The following ANKRD30B variants were observed in gnomAD, a reference collection of about 807,000 sequenced individuals.
ANKRD30B encodes ankyrin repeat domain-containing protein 30B.
In ANKRD30B, 144 loss-of-function variants were observed where a neutral mutation model predicts 202.2. That is an observed-to-expected ratio of 0.71 (90% CI 0.62 to 0.82). The LOEUF is 0.82. ANKRD30B is among the 40% of genes least tolerant of loss of function. ANKRD30B has a pLI of 0.00. For missense variants in ANKRD30B, 1,487 were observed against 1,669.1 expected, an observed-to-expected ratio of 0.89 and a Z score of 1.90; for synonymous variants, 508 against 561.3, an observed-to-expected ratio of 0.91 and a Z score of 1.34.
the ANKRD30B span, among the ~76,000 whole-genome samples, chr18:14,938,007 A>G: frequency 6.6e-6 from 1 of 152,196 alleles, no homozygotes; most frequent in East Asian, 1.9e-4. Flanking sequence ...CGCTGCTCCT[A>G]AAACTAAAGT....
chr18:14,866,136 T>A, the ANKRD30B span, among the ~76,000 whole-genome samples: 158 of 152,376 alleles, frequency 1.0e-3, no homozygotes, highest in African/African-American at 3.7e-3. Flanking sequence ...CCAGAAACCA[T>A]GTGCGTAACC....
the ANKRD30B span, among the ~76,000 whole-genome samples, chr18:14,896,332 C>A: frequency 1.2e-4 from 18 of 152,012 alleles, no homozygotes; most frequent in Admixed American, 1.2e-3. Context: ...GAGGTTTCAC[C>A]GTGTTAGCCA....
At chr18:14,786,386 C>G (rs1307498732) in intron 14 of ANKRD30B, among the ~76,000 whole-genome samples, 2 of 152,170 alleles carry the variant, frequency 1.3e-5, no homozygotes, top group African/African-American at 4.8e-5. Context: ...CACAAGCTGA[C>G]TCTGAAGATA....
At chr18:14,912,314 G>T in the ANKRD30B span, among the ~76,000 whole-genome samples, 1 of 152,092 alleles carries the variant, frequency 6.6e-6, no homozygotes, top group African/African-American at 2.4e-5. Context: ...TTTTTTTGAG[G>T]ATTTTTATCA....
intron 15 of ANKRD30B, among the ~76,000 whole-genome samples, chr18:14,790,671 T>G (rs1243460189): frequency 6.6e-6 from 1 of 152,188 alleles, no homozygotes; most frequent in Non-Finnish European, 1.5e-5. Context: ...TCTTTGGTTC[T>G]GTTTATATGC....
At chr18:14,895,002 G>T in the ANKRD30B span, among the ~76,000 whole-genome samples, 4 of 152,060 alleles carry the variant, frequency 2.6e-5, no homozygotes, top group Admixed American at 2.6e-4. Flanking sequence ...CATGGATGCA[G>T]CCGGAGGCCA....
At chr18:14,761,084 A>G (rs576186738) in intron 6 of ANKRD30B, among the ~76,000 whole-genome samples, 1 of 152,338 alleles carries the variant, frequency 6.6e-6, no homozygotes, top group Admixed American at 6.5e-5. Context: ...GTTATTACAA[A>G]TGATAATTAG....
the ANKRD30B span, among the ~76,000 whole-genome samples, chr18:14,889,447 T>C: frequency 6.6e-6 from 1 of 152,176 alleles, no homozygotes; most frequent in Non-Finnish European, 1.5e-5. Context: ...GGCATTATAC[T>C]GAGCTCTGGG....
chr18:14,880,566 G>GGT, the ANKRD30B span, among the ~76,000 whole-genome samples: 16 of 128,758 alleles, frequency 1.2e-4, no homozygotes, highest in Admixed American at 1.4e-3. Flanking sequence ...TTCTTTCTTG[G>GGT]TTTTTTTTTT....
the ANKRD30B span, among the ~76,000 whole-genome samples, chr18:14,887,862 T>A: frequency 5.3e-5 from 8 of 151,544 alleles, no homozygotes; most frequent in African/African-American, 1.9e-4. Context: ...AAGGCCATAT[T>A]CCCAAATATG....
intron 11 of ANKRD30B, among the ~76,000 whole-genome samples, chr18:14,781,288 C>CTTTTTTTTTTT (rs892666549): frequency 9.3e-5 from 8 of 85,670 alleles, no homozygotes; most frequent in East Asian, 3.8e-4. Flanking sequence ...TCTGAGTATT[C>CTTTTTTTTTTT]TTTTTTTTTT....
At chr18:14,904,166 C>T in the ANKRD30B span, among the ~76,000 whole-genome samples, 7 of 152,250 alleles carry the variant, frequency 4.6e-5, no homozygotes, top group Admixed American at 3.3e-4. Context: ...GATCAGTTCT[C>T]TTCCCATGAT....
the ANKRD30B span, among the ~76,000 whole-genome samples, chr18:14,922,516 G>A: frequency 4.6e-5 from 7 of 152,114 alleles, no homozygotes; most frequent in South Asian, 4.1e-4. Flanking sequence ...TTAGCCGGGC[G>A]TGGTGGCAGA....
At chr18:14,798,423 AAC>A (rs1319984827) in intron 20 of ANKRD30B, among the ~76,000 whole-genome samples, 3 of 152,152 alleles carry the variant, frequency 2.0e-5, no homozygotes, top group Non-Finnish European at 2.9e-5. Flanking sequence ...TTAAAAAAGA[AAC>A]ACAGTCTTTC....
the ANKRD30B span, among the ~76,000 whole-genome samples, chr18:14,874,431 A>C: frequency 2.6e-5 from 4 of 152,222 alleles, no homozygotes; most frequent in African/African-American, 9.6e-5. Context: ...ACCCTTTCAA[A>C]GTGAGTAATT....
intron 32 of ANKRD30B, among the ~76,000 whole-genome samples, chr18:14,824,070 A>G (rs1970566762): frequency 6.6e-6 from 1 of 151,808 alleles, no homozygotes; most frequent in Non-Finnish European, 1.5e-5. Context: ...TTAAATTTTC[A>G]ATAAATAGTT....
chr18:14,847,462 G>T (rs1971697910), intron 39 of ANKRD30B, among the ~76,000 whole-genome samples: 1 of 127,292 alleles, frequency 7.9e-6, no homozygotes. Flanking sequence ...TTACCTGCTG[G>T]GAGTTTGCTC....
At chr18:14,865,746 C>G in the ANKRD30B span, among the ~76,000 whole-genome samples, 1,255 of 152,168 alleles carry the variant, frequency 8.2e-3, 20 homozygotes, top group African/African-American at 0.029. Context: ...TTTTCCCTTT[C>G]CTACCGCTCC....
intron 16 of ANKRD30B, among the ~76,000 whole-genome samples, chr18:14,792,509 T>A (rs12966403): frequency 0.4 from 61,040 of 151,500 alleles, 13,753 homozygotes; most frequent in East Asian, 0.58. Context: ...AGAAGAGAGA[T>A]TATGAGGCAG....
Sources: gnomAD v4.1 joint callset for allele counts (sites outside exome capture counted in the v4.1 genomes callset) on GRCh38, gnomAD v4.1.1 for gene constraint, MANE v1.5 for transcripts, NCBI Gene and HGNC (gene_info 2026-07-23, HGNC 2026-07-21) for gene names.